The following LYPLAL1 variants were observed in gnomAD, a reference collection of about 807,000 sequenced individuals.
LYPLAL1 encodes the protein lysophospholipase-like protein 1.
Under a neutral mutation model 19.7 loss-of-function variants are expected in LYPLAL1, and 23 were observed. The ratio of observed to expected loss-of-function variants is 1.17; its 90% CI spans 0.84 to 1.65. The LOEUF is 1.65. Among genes scored for constraint, LYPLAL1 ranks in the 40% most tolerant of loss-of-function variants. The pLI, the probability that LYPLAL1 is intolerant of heterozygous loss-of-function variation, is 0.00. For missense variants in LYPLAL1, 355 were observed against 279.4 expected (o/e 1.27, Z -1.93); for synonymous variants, 119 against 96.3 (o/e 1.24, Z -1.38).
the LYPLAL1 span, among the ~76,000 whole-genome samples, chr1:219,428,147 A>G: frequency 6.6e-6 from 1 of 152,220 alleles, no homozygotes. Flanking sequence ...TGATGGCAAC[A>G]ATGCTGGACC....
the LYPLAL1 span, among the ~76,000 whole-genome samples, chr1:219,265,242 T>A: frequency 2.6e-5 from 4 of 152,294 alleles, no homozygotes; most frequent in Admixed American, 6.5e-5. Flanking sequence ...AAGCAGCATG[T>A]TATTATATCT....
At chr1:219,250,146 T>G in the LYPLAL1 span, among the ~76,000 whole-genome samples, 1 of 152,062 alleles carries the variant, frequency 6.6e-6, no homozygotes, top group Non-Finnish European at 1.5e-5. Context: ...TTTAAAAGCT[T>G]AAGTATATTA....
chr1:219,351,000 A>G, the LYPLAL1 span, among the ~76,000 whole-genome samples: 1 of 152,130 alleles, frequency 6.6e-6, no homozygotes, highest in East Asian at 1.9e-4. Flanking sequence ...CTGAAATATT[A>G]CAACAAACCA....
At chr1:219,386,814 T>C in the LYPLAL1 span, among the ~76,000 whole-genome samples, 1 of 152,154 alleles carries the variant, frequency 6.6e-6, no homozygotes, top group Non-Finnish European at 1.5e-5. Context: ...ATTTTCCTCC[T>C]TCTTGGGACG....
At chr1:219,176,933 G>A (rs1655867763) in intron 1 of LYPLAL1, among the ~76,000 whole-genome samples, 1 of 152,176 alleles carries the variant, frequency 6.6e-6, no homozygotes, top group African/African-American at 2.4e-5. Flanking sequence ...CTGCTCTCAT[G>A]GAGCTTATGT....
At chr1:219,369,865 G>A in the LYPLAL1 span, among the ~76,000 whole-genome samples, 5 of 152,194 alleles carry the variant, frequency 3.3e-5, no homozygotes, top group Non-Finnish European at 7.3e-5. Context: ...GGAGTGATTA[G>A]GGAAGTCTAT....
intron 3 of LYPLAL1, among the ~76,000 whole-genome samples, chr1:219,204,678 C>T (rs1000489736): frequency 5.9e-5 from 9 of 152,074 alleles, no homozygotes; most frequent in Non-Finnish European, 1.2e-4. Context: ...CTGGGTCTTG[C>T]AGTAGGTAAA....
the LYPLAL1 span, among the ~76,000 whole-genome samples, chr1:219,284,371 C>G: frequency 6.6e-6 from 1 of 152,116 alleles, no homozygotes; most frequent in Non-Finnish European, 1.5e-5. Flanking sequence ...TCATCGTATT[C>G]AGAAGAATGA....
chr1:219,256,053 A>G, the LYPLAL1 span, among the ~76,000 whole-genome samples: 1 of 151,748 alleles, frequency 6.6e-6, no homozygotes, highest in African/African-American at 2.4e-5. Context: ...TATTCTCATC[A>G]GATTTTTCTA....
At chr1:219,315,296 A>C in the LYPLAL1 span, among the ~76,000 whole-genome samples, 4 of 152,316 alleles carry the variant, frequency 2.6e-5, no homozygotes, top group African/African-American at 9.6e-5. Flanking sequence ...ATAAGTCAAA[A>C]ATTTTTATGA....
chr1:219,240,058 A>G, the LYPLAL1 span, among the ~76,000 whole-genome samples: 108 of 152,316 alleles, frequency 7.1e-4, 2 homozygotes, highest in Non-Finnish European at 8.1e-4. Context: ...TGGTTCTAAG[A>G]CACATGGAAA....
At chr1:219,266,389 G>C in the LYPLAL1 span, among the ~76,000 whole-genome samples, 5 of 152,110 alleles carry the variant, frequency 3.3e-5, no homozygotes, top group African/African-American at 4.8e-5. Context: ...ACTACGTCTT[G>C]TCCCACTAGA....
the LYPLAL1 span, among the ~76,000 whole-genome samples, chr1:219,371,468 C>T: frequency 6.6e-6 from 1 of 152,152 alleles, no homozygotes; most frequent in Non-Finnish European, 1.5e-5. Context: ...TGCTTGGTGT[C>T]TTTGGATGGA....
the LYPLAL1 span, among the ~76,000 whole-genome samples, chr1:219,371,498 T>C: frequency 1.3e-5 from 2 of 152,198 alleles, no homozygotes; most frequent in African/African-American, 4.8e-5. Flanking sequence ...ACTTGCAATG[T>C]CTCAGCATAA....
the LYPLAL1 span, among the ~76,000 whole-genome samples, chr1:219,361,367 C>A: frequency 6.6e-6 from 1 of 152,160 alleles, no homozygotes; most frequent in Non-Finnish European, 1.5e-5. Context: ...CCTTTCACTT[C>A]AAGAGCCTAA....
the LYPLAL1 span, among the ~76,000 whole-genome samples, chr1:219,280,475 A>T: frequency 6.6e-6 from 1 of 151,956 alleles, no homozygotes; most frequent in Admixed American, 6.6e-5. Flanking sequence ...ATTTTTTGAG[A>T]TATATACAGG....
At chr1:219,440,210 C>T in the LYPLAL1 span, among the ~76,000 whole-genome samples, 14 of 151,418 alleles carry the variant, frequency 9.2e-5, no homozygotes, top group African/African-American at 1.5e-4. Context: ...AAATATGTAA[C>T]GTAGATTAGA....
the LYPLAL1 span, among the ~76,000 whole-genome samples, chr1:219,221,967 C>A: frequency 6.6e-6 from 1 of 152,158 alleles, no homozygotes; most frequent in Non-Finnish European, 1.5e-5. Context: ...TCTGCCCCAA[C>A]TCAAATTTGG....
At chr1:219,417,997 A>C in the LYPLAL1 span, among the ~76,000 whole-genome samples, 1 of 152,224 alleles carries the variant, frequency 6.6e-6, no homozygotes, top group Non-Finnish European at 1.5e-5. Flanking sequence ...CCTGCCCAGG[A>C]TACTTAATAG....
Sources: allele counts gnomAD v4.1 joint callset (sites outside exome capture counted in the v4.1 genomes callset), GRCh38; gene constraint gnomAD v4.1.1; transcripts MANE v1.5; gene names NCBI Gene and HGNC (gene_info 2026-07-23, HGNC 2026-07-21).